The following CDK14 variants were observed in gnomAD, a reference collection of about 807,000 sequenced individuals.
The protein encoded by CDK14 is cyclin-dependent kinase 14.
In CDK14, 34 loss-of-function variants were observed where a neutral mutation model predicts 60.7. The ratio of observed to expected loss-of-function variants is 0.56; its 90% CI spans 0.43 to 0.75. The LOEUF is 0.75. Among genes scored for constraint, CDK14 ranks in the 30% least tolerant of loss-of-function variants. CDK14 has a pLI of 0.00. For missense variants in CDK14, 482 were observed against 564.1 expected (o/e 0.85, Z 1.47); for synonymous variants, 197 against 203.7 (o/e 0.97, Z 0.28).
At chr7:90,737,414 G>A (rs1172660447) in intron 3 of CDK14, among the ~76,000 whole-genome samples, 1 of 152,176 alleles carries the variant, frequency 6.6e-6, no homozygotes, top group Non-Finnish European at 1.5e-5. Context: ...TGGGAGGAGG[G>A]TGCAAACCTG....
At chr7:90,946,215 A>T (rs1322608072) in intron 8 of CDK14, among the ~76,000 whole-genome samples, 7 of 152,332 alleles carry the variant, frequency 4.6e-5, no homozygotes, top group Middle Eastern at 3.4e-3. Flanking sequence ...TGATTGTGGT[A>T]TGTATTTATT....
intron 12 of CDK14, among the ~76,000 whole-genome samples, chr7:91,105,326 T>G (rs1196000385): frequency 6.6e-6 from 1 of 152,232 alleles, no homozygotes; most frequent in Non-Finnish European, 1.5e-5. Flanking sequence ...CAAAGCACAT[T>G]AGTGGGCTTC....
rs377701522 is a variant in CDK14 at position 91,142,852 on chromosome 7, A to G, written c.*28+24644A>G. Among the ~76,000 whole-genome samples, 5 of 152,244 alleles carry G rather than the reference A, an allele frequency of 3.3e-5. No homozygotes were observed. The South Asian group carries it at 8.3e-4, about 25-fold the overall frequency. ...TGAAAATAAGTGACCCAACTGATTG[A>G]GAATGAGATGACAAATTAGCAAACA... is the stretch of plus-strand genomic sequence containing the variant. On this transcript the variant is annotated intron_variant, in intron 14 of 14. Transcript: ENST00000380050.
At chr7:91,178,361 G>A (rs1269842173) in intron 14 of CDK14, among the ~76,000 whole-genome samples, 3 of 134,674 alleles carry the variant, frequency 2.2e-5, no homozygotes, top group Non-Finnish European at 3.2e-5. Context: ...AAAAACCCTA[G>A]AAGAAAACCT....
chr7:90,611,940 C>T (rs551176384), intron 2 of CDK14, among the ~76,000 whole-genome samples: 1 of 148,202 alleles, frequency 6.7e-6, no homozygotes, highest in Non-Finnish European at 1.5e-5. Flanking sequence ...TCAAGTGATT[C>T]TCCTGCCTCA....
At chr7:91,059,512 G>C (rs1038089823) in intron 11 of CDK14, among the ~76,000 whole-genome samples, 1 of 152,016 alleles carries the variant, frequency 6.6e-6, no homozygotes, top group African/African-American at 2.4e-5. Flanking sequence ...GTCAATTTTA[G>C]ATCTTTCCTA....
In CDK14 at chr7:90,684,017, T is replaced by TTA. The variant is rs141239290; in HGVS notation, c.124-42547_124-42546dup. On this transcript the variant is annotated intron_variant, in intron 2 of 14. Transcript: ENST00000380050. ...ATACATATTTTAAAACTGTGTCCACTTATAACCTTAATTTGAATCCATCCC... is the reference window on the plus strand; with the variant it reads ...ATACATATTTTAAAACTGTGTCCACTTATATAACCTTAATTTGAATCCATCCC... 8.6e-3 allele frequency among the ~76,000 whole-genome samples: 1,305 copies of TTA among 152,200 alleles called. 29 individuals are homozygous for TTA. Among genetic ancestry groups the TTA allele is most frequent in the African/African-American group, 0.03 (1,250 of 41,520 alleles).
At chr7:90,910,234 TTGTAAAATAAAACGATTTGGG>T (rs1401216818) in intron 7 of CDK14, among the ~76,000 whole-genome samples, 1 of 152,208 alleles carries the variant, frequency 6.6e-6, no homozygotes. Context: ...CAATGATGCT[TTGTAAAATAAAACGATTTGGG>T]TGTACATTGC....
intron 10 of CDK14, among the ~76,000 whole-genome samples, chr7:91,004,662 T>C (rs775653608): frequency 6.6e-6 from 1 of 152,172 alleles, no homozygotes; most frequent in Non-Finnish European, 1.5e-5. Flanking sequence ...AGGGGAAGTT[T>C]TGAAGTGAAG....
At chr7:90,640,111 G>A (rs539893921) in intron 2 of CDK14, among the ~76,000 whole-genome samples, 27 of 152,182 alleles carry the variant, frequency 1.8e-4, no homozygotes, top group African/African-American at 6.3e-4. Flanking sequence ...GCTGGCGCAC[G>A]GTGCGCTGCA....
At chr7:90,863,327 G>C in intron 6 of CDK14, 58 bp downstream of exon 6, 1 of 1,003,840 alleles carries the variant, frequency 1.0e-6, no homozygotes, top group Non-Finnish European at 1.5e-6. Context: ...AATTCTTATA[G>C]TGTTGTCATA....
intron 2 of CDK14, among the ~76,000 whole-genome samples, chr7:90,722,088 C>G (rs1274087449): frequency 6.6e-6 from 1 of 151,934 alleles, no homozygotes; most frequent in Non-Finnish European, 1.5e-5. Flanking sequence ...TAAGAGCTCT[C>G]CTACCCTCCC....
intron 2 of CDK14, among the ~76,000 whole-genome samples, chr7:90,708,836 A>G: frequency 6.6e-6 from 1 of 152,150 alleles, no homozygotes; most frequent in Admixed American, 6.6e-5. Context: ...GGTATTTCTC[A>G]GTTGTATTGT....
intron 12 of CDK14, among the ~76,000 whole-genome samples, chr7:91,093,228 A>T (rs1259031145): frequency 6.6e-6 from 1 of 152,196 alleles, no homozygotes; most frequent in East Asian, 1.9e-4. Context: ...GAAAAGAAGA[A>T]TGAGGATGAC....
At chr7:90,914,736 C>T (rs1043940794) in intron 7 of CDK14, among the ~76,000 whole-genome samples, 3 of 152,070 alleles carry the variant, frequency 2.0e-5, no homozygotes, top group Admixed American at 1.3e-4. Context: ...TATATTTTCA[C>T]TAATTAGTAA....
chr7:90,727,943 T>A (rs543628054), intron 3 of CDK14, among the ~76,000 whole-genome samples: 238 of 152,268 alleles, frequency 1.6e-3, no homozygotes, highest in Non-Finnish European at 1.4e-3. Flanking sequence ...TTAAAGTACA[T>A]CCTCGCAGTA....
At chr7:91,139,458 T>C (rs1029929328) in intron 14 of CDK14, among the ~76,000 whole-genome samples, 1 of 152,220 alleles carries the variant, frequency 6.6e-6, no homozygotes, top group African/African-American at 2.4e-5. Context: ...TTCAAAGCAG[T>C]CACTGCTCCT....
chr7:90,686,022 T>C (rs951123093), intron 2 of CDK14, among the ~76,000 whole-genome samples: 5 of 152,170 alleles, frequency 3.3e-5, no homozygotes, highest in Non-Finnish European at 4.4e-5. Context: ...ATTCTACATA[T>C]TGAGTTTAAC....
chr7:90,712,061 G>T (rs1268438098), intron 2 of CDK14, among the ~76,000 whole-genome samples: 1 of 147,256 alleles, frequency 6.8e-6, no homozygotes, highest in African/African-American at 2.5e-5. Context: ...GAGAAAATAT[G>T]TGGCAAGTTT....
Sources: gnomAD v4.1 joint callset for allele counts (sites outside exome capture counted in the v4.1 genomes callset) on GRCh38, gnomAD v4.1.1 for gene constraint, MANE v1.5 for transcripts, NCBI Gene and HGNC (gene_info 2026-07-23, HGNC 2026-07-21) for gene names.